The following CRBN variants were observed in gnomAD, a reference collection of about 807,000 sequenced individuals.
CRBN encodes the protein cereblon, also known as protein cereblon.
A neutral mutation model predicts 62.2 loss-of-function variants in CRBN; 53 were observed. The observed-to-expected ratio is 0.85, with a 90% CI of 0.68 to 1.07. The LOEUF is 1.07. CRBN is among the 50% of genes least tolerant of loss of function. The pLI, the probability that CRBN is intolerant of heterozygous loss-of-function variation, is 0.00. For synonymous variants in CRBN, 208 were observed against 176.1 expected, an observed-to-expected ratio of 1.18 and a Z score of -1.43; for missense variants, 616 against 531.1, an observed-to-expected ratio of 1.16 and a Z score of -1.57.
chr3:3,174,569 A>G (rs991146344), intron 2 of CRBN, among the ~76,000 whole-genome samples: 1 of 152,120 alleles, frequency 6.6e-6, no homozygotes, highest in Non-Finnish European at 1.5e-5. Context: ...TGAACCTGGA[A>G]GGTGGAGGCT....
intron 5 of CRBN, among the ~76,000 whole-genome samples, chr3:3,159,382 T>G (rs182279735): frequency 6.6e-6 from 1 of 152,332 alleles, no homozygotes; most frequent in East Asian, 1.9e-4. Context: ...CTCATTCAGT[T>G]ATTAAAATAT....
chr3:3,168,211 C>G (rs1707430173), intron 4 of CRBN, among the ~76,000 whole-genome samples: 1 of 151,980 alleles, frequency 6.6e-6, no homozygotes, highest in Admixed American at 6.6e-5. Context: ...TACATCTATC[C>G]TTTCTCATAA....
At chr3:3,175,127 T>C (rs762426121) in intron 2 of CRBN, 36 bp downstream of exon 2, 3 of 1,258,968 alleles carry the variant, frequency 2.4e-6, no homozygotes, top group Non-Finnish European at 2.3e-6. Flanking sequence ...TTTAAATGTA[T>C]ATCTATTATA....
chr3:3,158,259 T>C (rs1464357981), intron 5 of CRBN, among the ~76,000 whole-genome samples: 1 of 152,240 alleles, frequency 6.6e-6, no homozygotes, highest in African/African-American at 2.4e-5. Flanking sequence ...TAAGAATCTA[T>C]GCTGCCACTG....
chr3:3,179,467 G>T (rs1707977221), intron 1 of CRBN, among the ~76,000 whole-genome samples, 154 bp downstream of exon 1: 1 of 152,162 alleles, frequency 6.6e-6, no homozygotes, highest in African/African-American at 2.4e-5. Context: ...ATCGCTGGCC[G>T]AGGGCCGACG....
At chr3:3,152,691 A>G in intron 9 of CRBN, 104 bp from the exon 10 acceptor site, 1 of 1,380,298 alleles carries the variant, frequency 7.2e-7, no homozygotes, top group South Asian at 1.2e-5. Flanking sequence ...GGTATGAGCT[A>G]TACAGTTTTT....
chr3:3,162,944 T>C (rs945382685), intron 5 of CRBN, among the ~76,000 whole-genome samples: 2 of 152,352 alleles, frequency 1.3e-5, no homozygotes, highest in East Asian at 1.9e-4. Flanking sequence ...CCAGCCCTCA[T>C]GGTAAGCTAG....
In CRBN at chr3:3,152,607, T is replaced by C; in HGVS notation, c.1017-20A>G. On this transcript the variant is annotated intron_variant, in intron 9 of 10. Transcript: ENST00000231948. ...GATAAACTAAAACAAAGAATCAACA[T>C]GGAGAACACGTCAAAACGAGAAGTC... is the stretch of plus-strand genomic sequence containing the variant. The C allele has an allele frequency of 6.2e-7, 1 of 1,613,922 alleles. No individual in the cohort carries two copies. Among genetic ancestry groups the C allele is most frequent in the Middle Eastern group, 1.7e-4 (1 of 6,058 alleles).
intron 5 of CRBN, among the ~76,000 whole-genome samples, chr3:3,159,758 C>T (rs902223423): frequency 6.6e-6 from 1 of 152,162 alleles, no homozygotes; most frequent in African/African-American, 2.4e-5. Context: ...TATACCAGAA[C>T]AGATTAGCTA....
In CRBN at chr3:3,150,897, T is replaced by G. The variant is rs752261571; in HGVS notation, c.1297A>C (p.Ile433Leu). 2 of 1,613,960 alleles carry G rather than the reference T, an allele frequency of 1.2e-6. No individual in the cohort carries two copies. Among genetic ancestry groups the G allele is most frequent in the South Asian group, 2.2e-5 (2 of 91,074 alleles). ...LPTIPDTEDE[I>L]SPDKVILCL ...CAAAGTATTACTTTGTCTGGACTTA[T>G]TTCATCTTCAGTGTCTGGGATCGTG... Residue 433 changes from isoleucine to leucine, a missense_variant, in exon 11 of 11, where the codon ATA becomes CTA. Transcript: ENST00000231948.
chr3:3,166,205 G>C (rs765122946), intron 5 of CRBN, among the ~76,000 whole-genome samples: 1 of 152,104 alleles, frequency 6.6e-6, no homozygotes, highest in Non-Finnish European at 1.5e-5. Context: ...CTGAATTATG[G>C]GGGCAGGTCT....
intron 6 of CRBN, chr3:3,155,065 T>C: frequency 3.6e-6 from 2 of 549,858 alleles, no homozygotes; most frequent in Non-Finnish European, 6.5e-6. Flanking sequence ...CAGCGGTATA[T>C]GCTCCCAACT....
chr3:3,178,097 C>T (rs1389381660), intron 1 of CRBN, among the ~76,000 whole-genome samples: 1 of 152,128 alleles, frequency 6.6e-6, no homozygotes, highest in Admixed American at 6.5e-5. Flanking sequence ...TGCAGAGGCA[C>T]GATGTGAATG....
At chr3:3,154,358 A>G (rs1706782647) in intron 7 of CRBN, 4 of 477,444 alleles carry the variant, frequency 8.4e-6, no homozygotes, top group Non-Finnish European at 1.1e-5. Context: ...AAAAATAACT[A>G]AACTATACCT....
intron 8 of CRBN, 53 bp from the exon 9 acceptor site, chr3:3,153,541 T>C (rs892379739): frequency 1.1e-6 from 1 of 950,610 alleles, no homozygotes; most frequent in African/African-American, 1.6e-5. Context: ...ATTCACTTTA[T>C]CATGTAATCA....
chr3:3,163,122 G>A (rs370779851), intron 5 of CRBN, among the ~76,000 whole-genome samples: 2 of 152,192 alleles, frequency 1.3e-5, no homozygotes, highest in Non-Finnish European at 2.9e-5. Context: ...TAGGTCACTT[G>A]GAGTCCAAAA....
chr3:3,155,028 A>G (rs1367459930), intron 6 of CRBN, 197 bp from the exon 7 acceptor site: 1 of 596,812 alleles, frequency 1.7e-6, no homozygotes, highest in South Asian at 2.0e-5. Context: ...TCTGCCTTCC[A>G]GCCTTTTCTC....
chr3:3,175,175 C>T lies in CRBN; in HGVS notation c.162G>A (p.Pro54=), dbSNP rs1437931922. 13 of 1,605,826 alleles carry T rather than the reference C, an allele frequency of 8.1e-6. No individual in the cohort carries two copies. The highest frequency in any genetic ancestry group is 6.7e-5 in the Admixed American group (4 of 59,974). ...CTAAATTACATACTGTATGTGATGTCGGCAGACTGGTGTCAAAATTTATGA... is the reference window on the plus strand; with the variant it reads ...CTAAATTACATACTGTATGTGATGTTGGCAGACTGGTGTCAAAATTTATGA... ...PNIINFDTSL[P]TSHTYLGADM... Residue 54 remains proline (P), a synonymous_variant, in exon 2 of 11, where the codon CCG becomes CCA. Transcript: ENST00000231948.
chr3:3,175,041 C>CA, intron 2 of CRBN, 122 bp downstream of exon 2: 2 of 699,604 alleles, frequency 2.9e-6, no homozygotes, highest in Non-Finnish European at 5.0e-6. Context: ...GGCAAATAGC[C>CA]CATGTCCTCA....
Sources: gnomAD v4.1 joint callset for allele counts (sites outside exome capture counted in the v4.1 genomes callset) on GRCh38, gnomAD v4.1.1 for gene constraint, MANE v1.5 for transcripts, NCBI Gene and HGNC (gene_info 2026-07-23, HGNC 2026-07-21) for gene names.